TEAD4: variants seen among roughly 807,000 people sequenced by gnomAD.
The protein encoded by TEAD4 is transcriptional enhancer factor TEF-3.
In TEAD4, 36 loss-of-function variants were observed where a neutral mutation model predicts 52.4. The observed-to-expected ratio is 0.69, with a 90% confidence interval of 0.53 to 0.91. TEAD4 has a LOEUF of 0.91. TEAD4 is among the 40% of genes least tolerant of loss of function. TEAD4 has a pLI of 0.00. For missense variants in TEAD4, 508 were observed against 583.9 expected, an observed-to-expected ratio of 0.87 and a Z score of 1.34; for synonymous variants, 220 against 231.0, an observed-to-expected ratio of 0.95 and a Z score of 0.43.
Position 3,040,620 on chromosome 12 carries a change from C to T in TEAD4, c.*142C>T. On this transcript the variant is annotated 3_prime_UTR_variant, in exon 13 of 13. Coordinates refer to ENST00000359864, the MANE Select transcript of TEAD4 (RefSeq NM_003213.4). Reference sequence around the variant, plus strand: ...GACTCTACCCAGGAACAAACTGTGCCTGAACCTGAGGTGCCCAACCCCAAA... The same window carrying T: ...GACTCTACCCAGGAACAAACTGTGCTTGAACCTGAGGTGCCCAACCCCAAA... 1.4e-6 allele frequency: 1 copy of T among 734,728 alleles called. No individual in the cohort carries two copies. The highest frequency in any genetic ancestry group is 1.8e-5 in the South Asian group (1 of 56,876). The allele number at this position is 734,728 out of a possible 1,614,324, so 45.5% of individuals were successfully genotyped here. A position where few individuals can be genotyped will look rare whatever the true frequency, so the allele number is the denominator to read the frequency against.
At chr12:2,971,953 C>T (rs1361467237) in intron 2 of TEAD4, among the ~76,000 whole-genome samples, 1 of 151,220 alleles carries the variant, frequency 6.6e-6, no homozygotes, top group Non-Finnish European at 1.5e-5. Context: ...GTTGAGATTA[C>T]AGGCACGTGT....
chr12:3,040,463 G>C lies in TEAD4; in HGVS notation c.1290G>C (p.Arg430Ser). 6.2e-7 allele frequency: 1 copy of C among 1,614,130 alleles called. No homozygotes were observed. ...ACGGGGCTCAGCACCACATCTACAG[G>C]CTGGTGAAAGAATGAGAGACTCGGG... Residue 430 changes from arginine (R) to serine (S), a missense_variant, in exon 13 of 13, where the codon AGG becomes AGC. Coordinates refer to ENST00000359864, the MANE Select transcript of TEAD4 (RefSeq NM_003213.4).
chr12:2,992,306 A>G (rs1427310000), intron 2 of TEAD4, among the ~76,000 whole-genome samples: 2 of 152,072 alleles, frequency 1.3e-5, no homozygotes, highest in African/African-American at 4.8e-5. Flanking sequence ...GGTGTGAGCC[A>G]CTGCGCCCGG....
At chr12:3,005,579 C>T (rs934839789) in intron 3 of TEAD4, among the ~76,000 whole-genome samples, 8 of 152,150 alleles carry the variant, frequency 5.3e-5, no homozygotes, top group Non-Finnish European at 8.8e-5. Flanking sequence ...TCACTGCAAG[C>T]TCTGCCTCCT....
At position 2,994,498 on chromosome 12, in the gene TEAD4, G is replaced by T. The variant is rs1033402467; in HGVS notation, c.-29-240G>T. 3.3e-5 allele frequency among the ~76,000 whole-genome samples: 5 copies of T among 152,170 alleles called. No individual in the cohort carries two copies. Among genetic ancestry groups the T allele is most frequent in the African/African-American group, 4.8e-5 (2 of 41,436 alleles). On this transcript the variant is annotated intron_variant, in intron 2 of 12. Coordinates refer to ENST00000359864, the MANE Select transcript of TEAD4 (RefSeq NM_003213.4). This position sits in a 1 kb window ranked among gnomAD's most constrained non-coding sequence, Gnocchi z 4.7. Reference sequence around the variant, plus strand: ...GTCTCCTACTTTTCAGCCCTTGTCTGGGTTCCTTGATACCAGGGAGTGCCT... The same window carrying T: ...GTCTCCTACTTTTCAGCCCTTGTCTTGGTTCCTTGATACCAGGGAGTGCCT...
In TEAD4 at chr12:3,021,855, C is replaced by T. The variant is rs1478412815; in HGVS notation, c.735C>T (p.His245=). ...CACTCTCTCCACAGTACAACAAGCA[C>T]CTGTTCGTGCACATTGGCCAGTCCA... Residue 245 remains histidine, a synonymous_variant, in exon 10 of 13, where the codon CAC becomes CAT. Transcript: ENST00000359864. 1 of 1,613,988 alleles carries T rather than the reference C, an allele frequency of 6.2e-7. No individual in the cohort carries two copies. Among genetic ancestry groups the T allele is most frequent in the East Asian group, 2.2e-5 (1 of 44,898 alleles).
At chr12:3,015,928 A>G (rs1444969809) in intron 5 of TEAD4, among the ~76,000 whole-genome samples, 3 of 152,172 alleles carry the variant, frequency 2.0e-5, no homozygotes, top group African/African-American at 4.8e-5. Flanking sequence ...CCTATAATCC[A>G]GCACTGGGAG....
At chr12:2,976,306 C>G (rs1382569020) in intron 2 of TEAD4, among the ~76,000 whole-genome samples, 1 of 151,720 alleles carries the variant, frequency 6.6e-6, no homozygotes, top group African/African-American at 2.4e-5. Flanking sequence ...ACCTCCACAC[C>G]TGGCCATCTC....
chr12:3,040,278 G>A lies in TEAD4; in HGVS notation c.1191+19G>A, dbSNP rs772963580. On this transcript the variant is annotated intron_variant, in intron 12 of 12. Transcript: ENST00000359864. ...CCTGCAGGTGTGCGGCGGGTGCTGC[G>A]GGTGTGGCTGGAGTCTGTGTGTGGG... is the stretch of plus-strand genomic sequence containing the variant. 4.8e-5 allele frequency: 78 copies of A among 1,613,992 alleles called. No individual in the cohort carries two copies. The highest frequency in any genetic ancestry group is 3.1e-4 in the South Asian group (28 of 91,082).
intron 10 of TEAD4, among the ~76,000 whole-genome samples, chr12:3,031,866 C>T (rs1249609986): frequency 6.6e-6 from 1 of 152,218 alleles, no homozygotes; most frequent in African/African-American, 2.4e-5. Context: ...TGCTTGGAGC[C>T]ACCATACTAA....
At chr12:3,007,402 A>G (rs2098256787) in intron 3 of TEAD4, among the ~76,000 whole-genome samples, 1 of 152,190 alleles carries the variant, frequency 6.6e-6, no homozygotes, top group South Asian at 2.1e-4. Flanking sequence ...GCCAAGAGTC[A>G]CACCTGGGCA....
intron 3 of TEAD4, among the ~76,000 whole-genome samples, chr12:2,997,268 C>G (rs1220436070): frequency 6.6e-6 from 1 of 152,204 alleles, no homozygotes; most frequent in East Asian, 1.9e-4. Context: ...GGGAAACTAA[C>G]CCCTGAAATA....
intron 10 of TEAD4, among the ~76,000 whole-genome samples, chr12:3,031,453 G>A (rs2098275485): frequency 6.6e-6 from 1 of 152,184 alleles, no homozygotes; most frequent in African/African-American, 2.4e-5. Flanking sequence ...CCTGCCTTTA[G>A]CTATTGGTGA....
intron 10 of TEAD4, among the ~76,000 whole-genome samples, chr12:3,023,711 G>T (rs925182838): frequency 6.6e-6 from 1 of 150,668 alleles, no homozygotes; most frequent in African/African-American, 2.4e-5. Context: ...GTAATCGCTT[G>T]AACGTGGGAG....
At chr12:2,962,342 A>T (rs1387645178) in intron 2 of TEAD4, among the ~76,000 whole-genome samples, 2,448 of 96,612 alleles carry the variant, frequency 0.025, 82 homozygotes, top group African/African-American at 0.095. Flanking sequence ...AAATATATAT[A>T]TATATTTTTT....
intron 2 of TEAD4, among the ~76,000 whole-genome samples, chr12:2,974,689 C>G (rs1304161395): frequency 6.6e-6 from 1 of 152,158 alleles, no homozygotes; most frequent in African/African-American, 2.4e-5. Flanking sequence ...TGGAGACTCC[C>G]TCTTCTGCCT....
intron 2 of TEAD4, among the ~76,000 whole-genome samples, chr12:2,978,938 T>TG (rs1407979490): frequency 6.6e-6 from 1 of 151,340 alleles, no homozygotes; most frequent in Non-Finnish European, 1.5e-5. Flanking sequence ...GTTTTGGAGA[T>TG]GGAGTCTCAC....
chr12:3,021,723 A>G, intron 9 of TEAD4, 121 bp from the exon 10 acceptor site: 2 of 956,724 alleles, frequency 2.1e-6, no homozygotes, highest in Non-Finnish European at 3.1e-6. Flanking sequence ...TCATGGGGAA[A>G]CTATGGCCCA....
chr12:2,987,891 C>T (rs1218611137), intron 2 of TEAD4, among the ~76,000 whole-genome samples: 1 of 150,988 alleles, frequency 6.6e-6, no homozygotes, highest in East Asian at 2.0e-4. Flanking sequence ...ATGGTGAAAC[C>T]CTGTCTCTAC....
Sources: allele counts gnomAD v4.1 joint callset (sites outside exome capture counted in the v4.1 genomes callset), GRCh38; gene constraint gnomAD v4.1.1; non-coding constraint Gnocchi (gnomAD v3.1); transcripts MANE v1.5; gene names NCBI Gene and HGNC (gene_info 2026-07-23, HGNC 2026-07-21).